Variants in GAS6 observed in about 807,000 individuals in gnomAD.
GAS6 encodes growth arrest specific 6.
In GAS6, 41 loss-of-function variants were observed where a neutral mutation model predicts 75.8. That is an observed-to-expected ratio of 0.54 (90% CI 0.42 to 0.70). The LOEUF (loss-of-function observed/expected upper bound fraction) is 0.70, where lower values mean the gene tolerates loss of function less well. Ranked by LOEUF, GAS6 falls within the 30% of genes least tolerant of loss-of-function variation. The probability of loss-of-function intolerance (pLI) is 0.00; values close to 1 mark genes in which losing one functional copy is unlikely to be tolerated. For synonymous variants in GAS6, 432 were observed against 412.6 expected (o/e 1.05, Z -0.57); for missense variants, 854 against 940.2 (o/e 0.91, Z 1.20).
Position 113,863,605 on chromosome 13 carries a change from C to G in GAS6, c.225G>C (p.Ala75=). ...CVEELCSREE[A]REVFENDPET... ...CGGGGTCGTTCTCGAACACCTCCCGCGCCTCCTCGCGGCTGCACAGCTCCT... is the reference window on the plus strand; with the variant it reads ...CGGGGTCGTTCTCGAACACCTCCCGGGCCTCCTCGCGGCTGCACAGCTCCT... The change falls in exon 2 of 15, where the codon GCG becomes GCC. Residue 75 remains alanine, a synonymous_variant. Coordinates refer to ENST00000327773, the MANE Select transcript of GAS6 (RefSeq NM_000820.4). This position sits in a 1 kb window ranked among gnomAD's most constrained non-coding sequence, Gnocchi z 9.4. The G allele has an allele frequency of 6.6e-7, 1 of 1,523,512 alleles. No homozygotes were observed. Among genetic ancestry groups the G allele is most frequent in the African/African-American group, 1.4e-5 (1 of 69,760 alleles). 94.4% of individuals were successfully genotyped at this position (1,523,512 alleles called of 1,614,324 possible).
At chr13:113,840,970 A>G (rs1373612512) in intron 4 of GAS6, 1 of 152,386 alleles carries the variant, frequency 6.6e-6, no homozygotes, top group Non-Finnish European at 1.5e-5. Flanking sequence ...GCACTGGGCC[A>G]GCATCGTCCT....
intron 2 of GAS6, among the ~76,000 whole-genome samples, chr13:113,850,009 A>G (rs1168905199): frequency 6.6e-6 from 1 of 152,204 alleles, no homozygotes; most frequent in African/African-American, 2.4e-5. Context: ...ATTCTGGTAC[A>G]CACTCCCAAG....
chr13:113,854,264 C>T (rs932679710), intron 2 of GAS6, among the ~76,000 whole-genome samples: 5 of 152,252 alleles, frequency 3.3e-5, no homozygotes, highest in African/African-American at 7.2e-5. Flanking sequence ...CTCACAGCAC[C>T]GACGTGGTGC....
At chr13:113,858,312 TG>T (rs1326907864) in intron 2 of GAS6, among the ~76,000 whole-genome samples, 16 of 152,222 alleles carry the variant, frequency 1.1e-4, no homozygotes, top group Non-Finnish European at 2.1e-4. Flanking sequence ...ATATTATGCA[TG>T]TGTGTACATG....
In GAS6 at chr13:113,837,989, C is replaced by T. The variant is rs1275582421; in HGVS notation, c.589+80G>A. 9 of 1,553,060 alleles carry T rather than the reference C, an allele frequency of 5.8e-6. No homozygotes were observed. The East Asian group carries it at 6.8e-5, about 12-fold the overall frequency. ...CCACAGGAACCCAGCCAGCAGCAGC[C>T]GCTTGCAGAAGAGCAGACATGACCG... On this transcript the variant is annotated intron_variant, in intron 6 of 14. Coordinates refer to ENST00000327773, the MANE Select transcript of GAS6 (RefSeq NM_000820.4). The surrounding 1 kb of genome is among the most constrained non-coding windows in gnomAD (Gnocchi z 5.1).
intron 10 of GAS6, among the ~76,000 whole-genome samples, chr13:113,831,026 C>T (rs1396373412): frequency 6.6e-6 from 1 of 152,282 alleles, no homozygotes; most frequent in Non-Finnish European, 1.5e-5. Context: ...TTCTGAAGGG[C>T]AAGACGTGCT....
chr13:113,848,707 G>C lies in GAS6; in HGVS notation c.256-657C>G, dbSNP rs769002640. Among the ~76,000 whole-genome samples the C allele has an allele frequency of 6.6e-6, 1 of 152,204 alleles. No homozygotes were observed. The highest frequency in any genetic ancestry group is 1.5e-5 in the Non-Finnish European group (1 of 68,036). On this transcript the variant is annotated intron_variant, in intron 2 of 14. Transcript: ENST00000327773. The surrounding 1 kb of genome is among the most constrained non-coding windows in gnomAD (Gnocchi z 4.8). ...CAGCTTAGGGTCAACCATGCCAGCA[G>C]TTTGGCCCTAAATGCTCTAAACCAA...
intron 7 of GAS6, among the ~76,000 whole-genome samples, chr13:113,835,035 G>A (rs1468131768): frequency 6.6e-6 from 1 of 152,260 alleles, no homozygotes; most frequent in East Asian, 1.9e-4. Context: ...GACAGCTGTG[G>A]TGGGAAATGG....
At position 113,833,598 on chromosome 13, in the gene GAS6, TG is replaced by T. The variant is rs2051657018; in HGVS notation, c.835-847del. 1.7e-5 allele frequency: 17 copies of T among 996,616 alleles called. No homozygotes were observed. The South Asian group carries it at 6.1e-4, about 36-fold the overall frequency. 61.7% of individuals were successfully genotyped at this position (996,616 alleles called of 1,614,324 possible). The stretch of plus-strand genomic sequence containing the variant: ...GTGACAGGTCAGTGTGACAGGTCGG[TG>T]TGACAGGCACCGGTGTGACAGGTCG... On this transcript the variant is annotated intron_variant, in intron 8 of 14. Transcript: ENST00000327773.
rs112171268 is a variant in GAS6 at position 113,826,421 on chromosome 13, G to A, written c.1477+575C>T. On this transcript the variant is annotated intron_variant, in intron 12 of 14. Coordinates refer to ENST00000327773, the MANE Select transcript of GAS6 (RefSeq NM_000820.4). ...CACCTTCTCTCCCCGGCCTCCCGGC[G>A]CTGGCCTCGCAGGCACCTTCTCTCC... Among the ~76,000 whole-genome samples the A allele has an allele frequency of 5.1e-3, 383 of 74,416 alleles. 18 individuals are homozygous for A. The highest frequency in any genetic ancestry group is 0.022 in the African/African-American group (319 of 14,332). 48.8% of individuals were successfully genotyped at this position (74,416 alleles called of 152,430 possible). A position where few individuals can be genotyped will look rare whatever the true frequency, so the allele number is the denominator to read the frequency against.
chr13:113,823,958 CTTTCAGG>C (rs2051496059), intron 12 of GAS6, among the ~76,000 whole-genome samples: 1 of 152,244 alleles, frequency 6.6e-6, no homozygotes, highest in Non-Finnish European at 1.5e-5. Context: ...TCACCTGCAG[CTTTCAGG>C]TAGCAGCACA....
chr13:113,854,804 G>T (rs1211697548), intron 2 of GAS6, among the ~76,000 whole-genome samples: 4 of 152,246 alleles, frequency 2.6e-5, no homozygotes, highest in African/African-American at 9.6e-5. Flanking sequence ...GAGGGATGCT[G>T]GCCACAAGAA....
chr13:113,858,619 C>T (rs1431265594), intron 2 of GAS6, among the ~76,000 whole-genome samples: 8 of 130,282 alleles, frequency 6.1e-5, no homozygotes, highest in Non-Finnish European at 1.1e-4. Flanking sequence ...CTGTGTGTGC[C>T]TATGTATGCA....
rs760140864 is a variant in GAS6 at position 113,827,155 on chromosome 13, G to T, written c.1318C>A (p.Arg440Ser). Residue 440 changes from arginine (R) to serine (S), a missense_variant, in exon 12 of 15, where the codon CGT becomes AGT. Coordinates refer to ENST00000327773, the MANE Select transcript of GAS6 (RefSeq NM_000820.4). ...EKDLVQPINP[R>S]LDGCMRSWNW... Reference sequence around the variant, plus strand: ...CAGCTCCTCATGCAGCCATCCAGACGAGGGTTTATCTGGAAAGGCAGAGAA... The same window carrying T: ...CAGCTCCTCATGCAGCCATCCAGACTAGGGTTTATCTGGAAAGGCAGAGAA... 1.2e-6 allele frequency: 2 copies of T among 1,612,310 alleles called. No homozygotes were observed. Among genetic ancestry groups the T allele is most frequent in the African/African-American group, 1.3e-5 (1 of 74,800 alleles).
At chr13:113,827,611 C>T (rs1028057452) in intron 11 of GAS6, among the ~76,000 whole-genome samples, 5 of 148,742 alleles carry the variant, frequency 3.4e-5, no homozygotes, top group Admixed American at 6.7e-5. Flanking sequence ...CTCACAACAC[C>T]GAAGGTCCCG....
At chr13:113,829,177 G>A (rs1311092365) in intron 10 of GAS6, among the ~76,000 whole-genome samples, 10 of 105,388 alleles carry the variant, frequency 9.5e-5, no homozygotes, top group Admixed American at 1.7e-4. Context: ...GAGCCAAGAG[G>A]GTCCCGATCT....
rs2051754985 is a variant in GAS6 at position 113,839,681 on chromosome 13, G to A, written c.466+47C>T. On this transcript the variant is annotated intron_variant, in intron 5 of 14. Transcript: ENST00000327773. ...GAGTGAGGAGCGGGGATCAGGGCAG[G>A]GTCGGAGATGGAGGGAGACCCCGCC... 3.7e-6 allele frequency: 6 copies of A among 1,604,914 alleles called. No homozygotes were observed. In the African/African-American group the frequency reaches 5.4e-5, roughly 14 times the overall value.
At chr13:113,822,318 C>T in intron 13 of GAS6, 132 bp from the exon 14 acceptor site, 3 of 672,022 alleles carry the variant, frequency 4.5e-6, no homozygotes, top group Non-Finnish European at 7.1e-6. Context: ...CCCTGCAGCC[C>T]TGGGTCTGGA....
intron 2 of GAS6, among the ~76,000 whole-genome samples, chr13:113,854,429 G>A (rs959417572): frequency 3.9e-5 from 6 of 152,230 alleles, no homozygotes; most frequent in Admixed American, 2.0e-4. Context: ...TGGCAGTGAC[G>A]CCGAGACTCC....
Sources: gnomAD v4.1 joint callset for allele counts (sites outside exome capture counted in the v4.1 genomes callset) on GRCh38, gnomAD v4.1.1 for gene constraint, Gnocchi (gnomAD v3.1) non-coding constraint, MANE v1.5 for transcripts, NCBI Gene and HGNC (gene_info 2026-07-23, HGNC 2026-07-21) for gene names.